The following NHSL1 variants were observed in gnomAD, a reference collection of about 807,000 sequenced individuals.
NHSL1 encodes the protein NHS-like protein 1.
A neutral mutation model predicts 95.0 loss-of-function variants in NHSL1; 48 were observed. The observed-to-expected ratio is 0.51, with a 90% CI of 0.40 to 0.64. The LOEUF is 0.64. Among genes scored for constraint, NHSL1 ranks in the 30% least tolerant of loss-of-function variants. The pLI, the probability that NHSL1 is intolerant of heterozygous loss-of-function variation, is 0.00. For synonymous variants in NHSL1, 783 were observed against 833.9 expected (o/e 0.94, Z 1.05); for missense variants, 1,971 against 2,077.7 (o/e 0.95, Z 1.00).
intron 1 of NHSL1, among the ~76,000 whole-genome samples, chr6:138,540,168 A>T (rs1013719613): frequency 6.6e-6 from 1 of 152,200 alleles, no homozygotes; most frequent in Admixed American, 6.5e-5. Context: ...ATTATATGCA[A>T]TTTTAAATGA....
At chr6:138,545,030 G>T (rs1434828368) in intron 1 of NHSL1, among the ~76,000 whole-genome samples, 1 of 96,138 alleles carries the variant, frequency 1.0e-5, no homozygotes, top group Non-Finnish European at 2.0e-5. Flanking sequence ...CACTCTTGTT[G>T]CCCAGGCTGG....
intron 2 of NHSL1, among the ~76,000 whole-genome samples, chr6:138,480,210 C>A (rs1779331130): frequency 6.6e-6 from 1 of 152,188 alleles, no homozygotes; most frequent in Non-Finnish European, 1.5e-5. Flanking sequence ...TAAACTCCTG[C>A]AAATCGTAGA....
At chr6:138,500,546 T>C (rs78171743), upstream of NHSL1, among the ~76,000 whole-genome samples, 58 of 152,368 alleles carry the variant, frequency 3.8e-4, no homozygotes, top group East Asian at 0.011. Context: ...TCTTATTTCA[T>C]AGCTTTGGGC....
At chr6:138,673,566 T>A (rs182745474) in intron 1 of NHSL1, among the ~76,000 whole-genome samples, 2 of 152,210 alleles carry the variant, frequency 1.3e-5, no homozygotes, top group African/African-American at 4.8e-5. Context: ...AGGCTCTCAC[T>A]GAATTTTTTT....
At chr6:138,449,280 T>C (rs1304819689) in intron 3 of NHSL1, among the ~76,000 whole-genome samples, 1 of 152,196 alleles carries the variant, frequency 6.6e-6, no homozygotes, top group Non-Finnish European at 1.5e-5. Flanking sequence ...TGATGTTTCC[T>C]TTGCTGTAAA....
intron 1 of NHSL1, among the ~76,000 whole-genome samples, chr6:138,672,930 T>C (rs1188392464): frequency 6.6e-6 from 1 of 151,806 alleles, no homozygotes; most frequent in Non-Finnish European, 1.5e-5. Context: ...GGCAGGAAAA[T>C]TGCTTGAACC....
intron 1 of NHSL1, among the ~76,000 whole-genome samples, chr6:138,641,967 AAAG>A (rs987344781): frequency 3.3e-5 from 5 of 152,332 alleles, no homozygotes; most frequent in African/African-American, 1.2e-4. Context: ...CAGACTATAA[AAAG>A]AAAAAATTTA....
intron 1 of NHSL1, among the ~76,000 whole-genome samples, chr6:138,677,269 A>G (rs913104353): frequency 1.3e-5 from 2 of 152,202 alleles, no homozygotes; most frequent in Non-Finnish European, 2.9e-5. Flanking sequence ...TATCAAAATG[A>G]GGGTTTTATG....
chr6:138,675,518 T>C (rs1052576245), intron 1 of NHSL1, among the ~76,000 whole-genome samples: 4 of 151,990 alleles, frequency 2.6e-5, no homozygotes, highest in African/African-American at 9.7e-5. Context: ...CACAGAAAAT[T>C]CTTACATTAT....
At chr6:138,560,397 A>G (rs192537294) in intron 1 of NHSL1, among the ~76,000 whole-genome samples, 10 of 152,334 alleles carry the variant, frequency 6.6e-5, no homozygotes, top group Non-Finnish European at 1.3e-4. Context: ...TTGCAAATGG[A>G]ACAGAGCTAA....
At chr6:138,462,204 T>C (rs547567840) in intron 3 of NHSL1, among the ~76,000 whole-genome samples, 1 of 152,332 alleles carries the variant, frequency 6.6e-6, no homozygotes, top group South Asian at 2.1e-4. Flanking sequence ...TTTATTTAGC[T>C]TATGGTTTCA....
At chr6:138,459,017 A>G (rs1384517078) in intron 3 of NHSL1, among the ~76,000 whole-genome samples, 1 of 152,016 alleles carries the variant, frequency 6.6e-6, no homozygotes, top group Non-Finnish European at 1.5e-5. Context: ...TGTTTTTGAG[A>G]AAAGAGTCTT....
intron 1 of NHSL1, among the ~76,000 whole-genome samples, chr6:138,664,320 C>T (rs1287234029): frequency 2.6e-5 from 4 of 152,192 alleles, no homozygotes; most frequent in Admixed American, 6.5e-5. Flanking sequence ...AATTCTTACG[C>T]GCCAAGTAGG....
intron 1 of NHSL1, among the ~76,000 whole-genome samples, chr6:138,581,222 C>G (rs905422630): frequency 4.6e-5 from 7 of 152,200 alleles, no homozygotes; most frequent in Non-Finnish European, 8.8e-5. Flanking sequence ...TATCTTTAAG[C>G]ATTTCTGTTC....
intron 1 of NHSL1, among the ~76,000 whole-genome samples, chr6:138,589,505 C>T (rs1373089673): frequency 1.3e-5 from 2 of 152,136 alleles, no homozygotes; most frequent in Non-Finnish European, 2.9e-5. Context: ...TCAGGGTAGG[C>T]AGCAATGTAG....
intron 1 of NHSL1, among the ~76,000 whole-genome samples, chr6:138,508,412 C>T (rs1329122883): frequency 6.6e-6 from 1 of 151,690 alleles, no homozygotes. Flanking sequence ...ATAGCACAGG[C>T]AAATCAAAAA....
chr6:138,531,472 C>T (rs899014619), intron 1 of NHSL1, among the ~76,000 whole-genome samples: 1 of 150,924 alleles, frequency 6.6e-6, no homozygotes, highest in African/African-American at 2.4e-5. Flanking sequence ...CATTTTGTTT[C>T]TGTTTTTCTT....
Position 138,496,205 on chromosome 6 carries a change from G to T in NHSL1, c.211+14C>A, listed in dbSNP as rs1163713427. On this transcript the variant is annotated intron_variant, in intron 2 of 7. Transcript: ENST00000343505. ...TAACCCAAGAAAATAAGCTCACAGA[G>T]GATGCCATCTTACCCCTCAGTACTG... The T allele has an allele frequency of 2.6e-6, 4 of 1,550,580 alleles. No individual in the cohort carries two copies. Among genetic ancestry groups the T allele is most frequent in the African/African-American group, 1.4e-5 (1 of 72,974 alleles).
intron 1 of NHSL1, among the ~76,000 whole-genome samples, chr6:138,508,700 C>T (rs1243444132): frequency 6.6e-6 from 1 of 152,246 alleles, no homozygotes; most frequent in Non-Finnish European, 1.5e-5. Flanking sequence ...CGCTTACCCA[C>T]TTGGCATACC....
Sources: gnomAD v4.1 joint callset for allele counts (sites outside exome capture counted in the v4.1 genomes callset) on GRCh38, gnomAD v4.1.1 for gene constraint, MANE v1.5 for transcripts, NCBI Gene and HGNC (gene_info 2026-07-23, HGNC 2026-07-21) for gene names.